The following PCNP variants were observed in gnomAD, a reference collection of about 807,000 sequenced individuals.
PCNP encodes the protein PEST proteolytic signal containing nuclear protein.
PCNP carries 6 observed loss-of-function variants against 21.8 expected under a neutral mutation model. The ratio of observed to expected loss-of-function variants is 0.28; its 90% CI spans 0.15 to 0.54. The LOEUF (loss-of-function observed/expected upper bound fraction) is 0.54, where lower values mean the gene tolerates loss of function less well. Among genes scored for constraint, PCNP ranks in the 20% least tolerant of loss-of-function variants. PCNP has a pLI of 0.95. For synonymous variants in PCNP, 67 were observed against 73.2 expected, an observed-to-expected ratio of 0.92 and a Z score of 0.43; for missense variants, 161 against 215.5, an observed-to-expected ratio of 0.75 and a Z score of 1.58.
At chr3:101,576,517 C>T (rs1408319693) in intron 1 of PCNP, 17 of 1,608,970 alleles carry the variant, frequency 1.1e-5, no homozygotes, top group Admixed American at 1.7e-5. Flanking sequence ...ACCCACGGTG[C>T]GGCCACGGCG....
At position 101,580,100 on chromosome 3, in the gene PCNP, A is replaced by G. The variant is rs891786997; in HGVS notation, c.279+96A>G. On this transcript the variant is annotated intron_variant, in intron 2 of 4. Coordinates refer to ENST00000265260, the MANE Select transcript of PCNP (RefSeq NM_020357.3). ...TAGGTTATGGTAAATTAAGGGTGAA[A>G]AGGTACATTGTTTGAGAAGTAATCT... The G allele has an allele frequency of 3.3e-5, 28 of 837,978 alleles. No homozygotes were observed. The African/African-American group carries it at 4.6e-4, about 14-fold the overall frequency. 51.9% of individuals were successfully genotyped at this position (837,978 alleles called of 1,614,324 possible). A position where few individuals can be genotyped will look rare whatever the true frequency, so the allele number is the denominator to read the frequency against.
At chr3:101,582,017 G>A (rs928303308) in intron 2 of PCNP, among the ~76,000 whole-genome samples, 5 of 150,026 alleles carry the variant, frequency 3.3e-5, no homozygotes, top group African/African-American at 1.2e-4. Flanking sequence ...TGGGATTACA[G>A]GTGTGAGCCA....
intron 4 of PCNP, 120 bp from the exon 5 acceptor site, chr3:101,592,507 T>C: frequency 1.4e-6 from 1 of 720,318 alleles, no homozygotes; most frequent in Non-Finnish European, 2.2e-6. Context: ...CTGTAGGGCC[T>C]TCCAGTGTTC....
intron 4 of PCNP, among the ~76,000 whole-genome samples, chr3:101,591,744 GTTTT>G (rs905214992): frequency 2.6e-5 from 3 of 115,050 alleles, no homozygotes. Flanking sequence ...AGGTTTTTTT[GTTTT>G]TTTGTTTTGA....
At chr3:101,586,146 G>A (rs1935486663) in intron 3 of PCNP, among the ~76,000 whole-genome samples, 1 of 141,930 alleles carries the variant, frequency 7.0e-6, no homozygotes. Context: ...ACTTCAGCCT[G>A]GGCAACAGAG....
intron 2 of PCNP, among the ~76,000 whole-genome samples, chr3:101,580,488 GT>G (rs913189839): frequency 1.2e-3 from 186 of 149,068 alleles, no homozygotes; most frequent in African/African-American, 2.7e-3. Flanking sequence ...ATTTTCCAAA[GT>G]TTTTTTTTTA....
intron 4 of PCNP, among the ~76,000 whole-genome samples, chr3:101,591,654 T>C (rs1935813042): frequency 6.6e-6 from 1 of 152,208 alleles, no homozygotes; most frequent in South Asian, 2.1e-4. Context: ...TTCATGTTTT[T>C]CTTCTATTTC....
At position 101,585,504 on chromosome 3, in the gene PCNP, A is replaced by G. The variant is rs1029173408; in HGVS notation, c.347A>G (p.Asp116Gly). The change falls in exon 3 of 5, where the codon GAT (aspartate) becomes GGT (glycine). Residue 116 changes from aspartate (D) to glycine (G), a missense_variant. This residue lies in a region of PCNP where 66 missense variants were observed against 127.8 expected (regional missense o/e 0.52). Transcript: ENST00000265260. ...TLSVAAAFNE[D>G]EDSEPEEMPP... is the part of the protein sequence containing the mutation. ...TCAGTAGCAGCAGCTTTTAATGAAG[A>G]TGAAGATGTAAGTTGATATCGAGTT... is the stretch of plus-strand genomic sequence containing the variant. 2.5e-6 allele frequency: 4 copies of G among 1,603,706 alleles called. No individual in the cohort carries two copies. In the Admixed American group the frequency reaches 5.1e-5, roughly 20 times the overall value.
At chr3:101,585,920 T>C (rs561978088) in intron 3 of PCNP, among the ~76,000 whole-genome samples, 1 of 152,272 alleles carries the variant, frequency 6.6e-6, no homozygotes, top group East Asian at 1.9e-4. Flanking sequence ...CCTGTAAGCC[T>C]AGCTCTTTGG....
rs1338221762 is a variant in PCNP, at chr3:101,592,725, T to G, written c.509T>G (p.Leu170Arg). 6.2e-7 allele frequency: 1 copy of G among 1,613,406 alleles called. No individual in the cohort carries two copies. The highest frequency in any genetic ancestry group is 1.1e-5 in the South Asian group (1 of 90,986). ...KLWERNIKSH[L>R]GNVHDQDN The stretch of plus-strand genomic sequence containing the variant: ...TGGGAGCGAAATATAAAATCTCATC[T>G]TGGAAATGTCCATGACCAAGACAAT... Residue 170 changes from leucine to arginine, a missense_variant, in exon 5 of 5, where the codon CTT (leucine) becomes CGT (arginine). Physicochemically the swap from Leu to Arg is moderately radical, Grantham distance 102 (BLOSUM62 -2). Around this residue, in one of 4 missense-constraint regions of PCNP, gnomAD observed 66 missense variants for 127.8 expected, o/e 0.52. Coordinates refer to ENST00000265260, the MANE Select transcript of PCNP (RefSeq NM_020357.3).
chr3:101,585,460 T>C lies in PCNP; in HGVS notation c.303T>C (p.Thr101=). The C allele has an allele frequency of 1.2e-6, 2 of 1,605,816 alleles. No individual in the cohort carries two copies. The highest frequency in any genetic ancestry group is 1.7e-6 in the Non-Finnish European group (2 of 1,174,534). ...GSSKPKETVP[T]LAPKTLSVAA... ...AGAAGCCTAAAGAAACTGTTCCAAC[T>C]CTTGCTCCAAAAACTCTTTCAGTAG... is the stretch of plus-strand genomic sequence containing the variant. Residue 101 remains threonine (T), a synonymous_variant, in exon 3 of 5, where the codon ACT becomes ACC. Transcript: ENST00000265260.
chr3:101,581,087 T>C (rs536653303), intron 2 of PCNP, among the ~76,000 whole-genome samples: 9 of 152,214 alleles, frequency 5.9e-5, no homozygotes, highest in African/African-American at 2.2e-4. Flanking sequence ...AAAGCTGTTA[T>C]TACTTAGAAT....
chr3:101,577,627 C>T (rs62282183), intron 1 of PCNP, among the ~76,000 whole-genome samples: 4,869 of 152,250 alleles, frequency 0.032, 122 homozygotes, highest in Non-Finnish European at 0.053. Flanking sequence ...TGGGTTCAAG[C>T]GATTCTCCTG....
chr3:101,582,409 C>T (rs1935271244), intron 2 of PCNP, among the ~76,000 whole-genome samples: 1 of 152,166 alleles, frequency 6.6e-6, no homozygotes, highest in South Asian at 2.1e-4. Context: ...CAAGATTGTG[C>T]CACTGCACTC....
intron 4 of PCNP, among the ~76,000 whole-genome samples, chr3:101,592,377 T>C (rs140534322): frequency 1.6e-3 from 247 of 152,182 alleles, no homozygotes; most frequent in African/African-American, 5.7e-3. Context: ...CTTCACTGTG[T>C]TGGCCAGGCT....
intron 4 of PCNP, among the ~76,000 whole-genome samples, chr3:101,591,310 C>G (rs1935792247): frequency 6.6e-6 from 1 of 152,174 alleles, no homozygotes; most frequent in Non-Finnish European, 1.5e-5. Flanking sequence ...CACCTCAACC[C>G]CATACTATGT....
intron 3 of PCNP, chr3:101,589,796 T>G (rs946837616): frequency 1.0e-5 from 2 of 194,292 alleles, no homozygotes; most frequent in Non-Finnish European, 2.1e-5. Context: ...TTTGCTTTGG[T>G]GTCAAACTCT....
chr3:101,592,885 G>T lies in PCNP; in HGVS notation c.*132G>T. ...TTTCATTTTTTTAAAAGATTGAGTG[G>T]TACACTAATAAATGAGAGTTTGAAA... is the stretch of plus-strand genomic sequence containing the variant. On this transcript the variant is annotated 3_prime_UTR_variant, in exon 5 of 5. Coordinates refer to ENST00000265260, the MANE Select transcript of PCNP (RefSeq NM_020357.3). 9.9e-6 allele frequency: 6 copies of T among 607,772 alleles called. No homozygotes were observed. The highest frequency in any genetic ancestry group is 1.9e-5 in the African/African-American group (1 of 51,840). The allele number at this position is 607,772 out of a possible 1,614,324, so 37.6% of individuals were successfully genotyped here. A position where few individuals can be genotyped will look rare whatever the true frequency, so the allele number is the denominator to read the frequency against.
At chr3:101,577,003 T>G in intron 1 of PCNP, 1 of 839,762 alleles carries the variant, frequency 1.2e-6, no homozygotes, top group African/African-American at 1.7e-5. Flanking sequence ...ATTTTTGTAT[T>G]TTTAGTAGAG....
Sources: allele counts gnomAD v4.1 joint callset (sites outside exome capture counted in the v4.1 genomes callset), GRCh38; gene constraint gnomAD v4.1.1; regional missense constraint gnomAD v4.1.1; transcripts MANE v1.5; gene names NCBI Gene and HGNC (gene_info 2026-07-23, HGNC 2026-07-21).